Variants in MYO6 observed in about 807,000 individuals in gnomAD.
The protein encoded by MYO6 is unconventional myosin-VI.
Under a neutral mutation model 178.7 loss-of-function variants are expected in MYO6, and 74 were observed. That is an observed-to-expected ratio of 0.41 (90% CI 0.34 to 0.50). The LOEUF (loss-of-function observed/expected upper bound fraction) is 0.50. Ranked by LOEUF, MYO6 falls within the 20% of genes least tolerant of loss-of-function variation. The pLI is 0.09. For missense variants in MYO6, 1,330 were observed against 1,547.4 expected, an observed-to-expected ratio of 0.86 and a Z score of 2.36; for synonymous variants, 477 against 504.6, an observed-to-expected ratio of 0.95 and a Z score of 0.73.
intron 30 of MYO6, among the ~76,000 whole-genome samples, chr6:75,902,156 T>C (rs1779836987): frequency 6.6e-6 from 1 of 152,228 alleles, no homozygotes; most frequent in African/African-American, 2.4e-5. Flanking sequence ...TTTGCATCAA[T>C]GTTCTTCAAG....
intron 1 of MYO6, among the ~76,000 whole-genome samples, chr6:75,752,133 C>T (rs1776955098): frequency 6.6e-6 from 1 of 151,944 alleles, no homozygotes; most frequent in Admixed American, 6.6e-5. Flanking sequence ...GCTGAGATTA[C>T]AGGTGCCCGC....
At chr6:75,889,582 A>G (rs1778741075) in intron 25 of MYO6, among the ~76,000 whole-genome samples, 1 of 151,880 alleles carries the variant, frequency 6.6e-6, no homozygotes, top group African/African-American at 2.4e-5. Context: ...TAATTTTTGT[A>G]TTTTATTTTT....
At chr6:75,749,745 G>GTT (rs78699234) in intron 1 of MYO6, among the ~76,000 whole-genome samples, 21 of 152,212 alleles carry the variant, frequency 1.4e-4, no homozygotes, top group African/African-American at 4.3e-4. Context: ...CTCCGTGATA[G>GTT]TTTTATTTTC....
At chr6:75,759,697 T>G (rs987317022) in intron 1 of MYO6, among the ~76,000 whole-genome samples, 20 of 152,296 alleles carry the variant, frequency 1.3e-4, no homozygotes, top group African/African-American at 4.6e-4. Flanking sequence ...TTGTAGCATT[T>G]CCTTGGTACA....
intron 1 of MYO6, among the ~76,000 whole-genome samples, chr6:75,799,064 C>G (rs953527719): frequency 6.6e-6 from 1 of 152,116 alleles, no homozygotes; most frequent in Admixed American, 6.6e-5. Context: ...GGTGAAAGAC[C>G]TCTACAAGGA....
chr6:75,840,503 T>C, intron 7 of MYO6, 82 bp from the exon 8 acceptor site: 1 of 928,368 alleles, frequency 1.1e-6, no homozygotes, highest in Non-Finnish European at 1.8e-6. Context: ...GACATATATA[T>C]TAACAAATGG....
chr6:75,778,389 T>C (rs922407870), intron 1 of MYO6, among the ~76,000 whole-genome samples: 4 of 150,784 alleles, frequency 2.7e-5, no homozygotes, highest in Admixed American at 6.6e-5. Context: ...GGTCAGGAGA[T>C]TGAGACCATC....
chr6:75,790,144 C>T (rs1275690193), intron 1 of MYO6, among the ~76,000 whole-genome samples: 1 of 152,076 alleles, frequency 6.6e-6, no homozygotes, highest in Non-Finnish European at 1.5e-5. Flanking sequence ...TATAAATAAA[C>T]TTTTGATTGT....
At chr6:75,788,710 T>TTACAGGCATGAACCAC (rs1767930406) in intron 1 of MYO6, among the ~76,000 whole-genome samples, 1 of 152,142 alleles carries the variant, frequency 6.6e-6, no homozygotes, top group Non-Finnish European at 1.5e-5. Flanking sequence ...AATGTTAAGA[T>TTACAGGCATGAACCAC]TACAGGCATG....
intron 10 of MYO6, among the ~76,000 whole-genome samples, 171 bp downstream of exon 10, chr6:75,845,148 CT>C (rs904717063): frequency 1.1e-4 from 17 of 152,084 alleles, no homozygotes; most frequent in Admixed American, 1.1e-3. Context: ...CTTTATACCT[CT>C]TGTTGTTATC....
Position 75,770,084 on chromosome 6 carries a change from C to T in MYO6, c.-48+20661C>T, listed in dbSNP as rs1478964549. Among the ~76,000 whole-genome samples the T allele has an allele frequency of 2.0e-5, 3 of 152,098 alleles. No individual in the cohort carries two copies. In the East Asian group the frequency reaches 5.8e-4, roughly 29 times the overall value. ...ACCCCACATTTCCCTTCCTCACTACCCTAGTAGATTTCTCTGTTAGGGCTT... is the reference window on the plus strand; with the variant it reads ...ACCCCACATTTCCCTTCCTCACTACTCTAGTAGATTTCTCTGTTAGGGCTT... On this transcript the variant is annotated intron_variant, in intron 1 of 34. Transcript: ENST00000369977.
At chr6:75,896,603 A>G (rs1779328656) in intron 29 of MYO6, among the ~76,000 whole-genome samples, 1 of 152,230 alleles carries the variant, frequency 6.6e-6, no homozygotes, top group African/African-American at 2.4e-5. Flanking sequence ...AACTTTGTTT[A>G]CATGTAAAAT....
At chr6:75,878,144 C>T (rs1185239397) in intron 20 of MYO6, among the ~76,000 whole-genome samples, 1 of 152,036 alleles carries the variant, frequency 6.6e-6, no homozygotes, top group Non-Finnish European at 1.5e-5. Flanking sequence ...TTAAATAGTA[C>T]AGAATAATAT....
At chr6:75,781,234 T>G (rs1014301517) in intron 1 of MYO6, among the ~76,000 whole-genome samples, 5 of 152,090 alleles carry the variant, frequency 3.3e-5, no homozygotes, top group African/African-American at 1.2e-4. Context: ...AAGTTAAAAG[T>G]AGGTTCATAG....
intron 1 of MYO6, among the ~76,000 whole-genome samples, chr6:75,802,394 G>T (rs1306231852): frequency 6.6e-6 from 1 of 151,930 alleles, no homozygotes; most frequent in Admixed American, 6.6e-5. Context: ...GCTTGAACCC[G>T]GGAGGTGAAG....
intron 16 of MYO6, among the ~76,000 whole-genome samples, chr6:75,863,785 A>T (rs889220161): frequency 6.6e-6 from 1 of 151,806 alleles, no homozygotes; most frequent in Non-Finnish European, 1.5e-5. Flanking sequence ...TGCCCGGCTC[A>T]GAAGACCTGG....
chr6:75,791,362 T>C (rs1768230552), intron 1 of MYO6, among the ~76,000 whole-genome samples: 1 of 152,216 alleles, frequency 6.6e-6, no homozygotes, highest in African/African-American at 2.4e-5. Context: ...TTTAAAGAAT[T>C]ATGACTTCAA....
chr6:75,914,740 T>A (rs1781020660), intron 34 of MYO6, 73 bp from the exon 35 acceptor site: 1 of 1,380,050 alleles, frequency 7.2e-7, no homozygotes, highest in African/African-American at 1.4e-5. Flanking sequence ...TTAATAGGTA[T>A]TTCAGGCATA....
chr6:75,765,876 G>T (rs143175508), intron 1 of MYO6, among the ~76,000 whole-genome samples: 1 of 151,878 alleles, frequency 6.6e-6, no homozygotes, highest in African/African-American at 2.4e-5. Flanking sequence ...ATAAAAAAAA[G>T]GTTAGCTGGG....
Sources: gnomAD v4.1 joint callset for allele counts (sites outside exome capture counted in the v4.1 genomes callset) on GRCh38, gnomAD v4.1.1 for gene constraint, MANE v1.5 for transcripts, NCBI Gene and HGNC (gene_info 2026-07-23, HGNC 2026-07-21) for gene names.